KCNH1: variants seen among roughly 807,000 people sequenced by gnomAD.
KCNH1 encodes voltage-gated delayed rectifier potassium channel KCNH1.
KCNH1 carries 27 observed loss-of-function variants against 69.2 expected under a neutral mutation model. The ratio of observed to expected loss-of-function variants is 0.39; its 90% CI spans 0.29 to 0.54. The LOEUF is 0.54. Among genes scored for constraint, KCNH1 ranks in the 20% least tolerant of loss-of-function variants. The pLI is 0.68. For synonymous variants in KCNH1, 456 were observed against 487.7 expected, an observed-to-expected ratio of 0.93 and a Z score of 0.86; for missense variants, 798 against 1,261.6, an observed-to-expected ratio of 0.63 and a Z score of 5.57.
chr1:211,068,349 C>T (rs540266925), intron 5 of KCNH1, among the ~76,000 whole-genome samples: 1 of 152,350 alleles, frequency 6.6e-6, no homozygotes, highest in Admixed American at 6.5e-5. Flanking sequence ...GAAGCCATCA[C>T]TCTCTTCTAA....
intron 5 of KCNH1, among the ~76,000 whole-genome samples, chr1:211,074,115 A>C (rs1349776724): frequency 1.3e-5 from 2 of 150,944 alleles, no homozygotes; most frequent in African/African-American, 4.9e-5. Flanking sequence ...AAAAAAAAAA[A>C]AACCTTAATA....
At chr1:210,823,690 G>A (rs1349355827) in intron 7 of KCNH1, among the ~76,000 whole-genome samples, 13 of 152,122 alleles carry the variant, frequency 8.5e-5, no homozygotes, top group Admixed American at 7.2e-4. Flanking sequence ...TATATAGAAG[G>A]TGCTATTATT....
At position 210,681,175 on chromosome 1, in the gene KCNH1, G is replaced by T. The variant is rs1354062841; in HGVS notation, c.*2106C>A. On this transcript the variant is annotated 3_prime_UTR_variant, in exon 11 of 11. Coordinates refer to ENST00000271751, the MANE Select transcript of KCNH1 (RefSeq NM_172362.3). ...GGTTGAGGAGCATGTTTAAGAAATGGCAGACTAGAATGTTAGGGGGCAGCC... is the reference window on the plus strand; with the variant it reads ...GGTTGAGGAGCATGTTTAAGAAATGTCAGACTAGAATGTTAGGGGGCAGCC... 1 of 152,194 alleles carries T rather than the reference G, an allele frequency of 6.6e-6. No individual in the cohort carries two copies. The highest frequency in any genetic ancestry group is 1.5e-5 in the Non-Finnish European group (1 of 68,044). The allele number at this position is 152,194 out of a possible 1,614,324, so 9.4% of individuals were successfully genotyped here.
intron 7 of KCNH1, among the ~76,000 whole-genome samples, chr1:210,843,120 T>C (rs1685458137): frequency 6.6e-6 from 1 of 152,200 alleles, no homozygotes; most frequent in South Asian, 2.1e-4. Context: ...TTACAAGACC[T>C]GCAGAAGGTA....
intron 7 of KCNH1, among the ~76,000 whole-genome samples, chr1:210,865,459 G>A (rs73071511): frequency 5.5e-4 from 83 of 152,104 alleles, no homozygotes; most frequent in African/African-American, 1.8e-3. Context: ...AGTCTTTAGA[G>A]AACATTTTGG....
At chr1:211,035,059 G>A (rs6540647) in intron 5 of KCNH1, among the ~76,000 whole-genome samples, 90,411 of 151,670 alleles carry the variant, frequency 0.6, 27,738 homozygotes, top group African/African-American at 0.74. Context: ...TACCTCCCCA[G>A]AATGCCAGGT....
intron 5 of KCNH1, among the ~76,000 whole-genome samples, chr1:211,045,041 G>GATATATAGATATAGATATATATATATAT (rs1164564038): frequency 3.7e-5 from 3 of 81,718 alleles, no homozygotes; most frequent in Non-Finnish European, 5.2e-5. Flanking sequence ...AATTGTGGGG[G>GATATATAGATATAGATATATATATATAT]ATATATATAT....
At chr1:210,786,733 G>T (rs1347044002) in intron 9 of KCNH1, among the ~76,000 whole-genome samples, 2 of 152,100 alleles carry the variant, frequency 1.3e-5, no homozygotes, top group Admixed American at 6.5e-5. Flanking sequence ...AAATGGAACT[G>T]GTCCTCCTTC....
intron 9 of KCNH1, among the ~76,000 whole-genome samples, chr1:210,788,855 C>T (rs942609554): frequency 2.7e-5 from 4 of 150,044 alleles, no homozygotes; most frequent in Non-Finnish European, 4.4e-5. Flanking sequence ...CGCCACTACG[C>T]CCGGCTAATT....
chr1:210,865,154 G>A (rs1055086021), intron 7 of KCNH1, among the ~76,000 whole-genome samples: 16 of 152,216 alleles, frequency 1.1e-4, no homozygotes, highest in Admixed American at 7.2e-4. Context: ...TAATGTTAAA[G>A]CTATCTCTGG....
At position 211,082,864 on chromosome 1, in the gene KCNH1, C is replaced by T; in HGVS notation, c.474G>A (p.Leu158=). 1 of 1,614,134 alleles carries T rather than the reference C, an allele frequency of 6.2e-7. No homozygotes were observed. Among genetic ancestry groups the T allele is most frequent in the Non-Finnish European group, 8.5e-7 (1 of 1,179,990 alleles). Residue 158 remains leucine (L), a synonymous_variant, in exon 5 of 11, where the codon CTG becomes CTA. Coordinates refer to ENST00000271751, the MANE Select transcript of KCNH1 (RefSeq NM_172362.3). ...GCTGCAGGACACCCCTGCTGCTTGT[C>T]AGTGCTCTTGTCAGCCGAGCAAACT... ...WGKFARLTRA[L]TSSRGVLQQL... is the part of the protein sequence containing the mutation.
intron 6 of KCNH1, among the ~76,000 whole-genome samples, chr1:210,983,041 C>G (rs566710159): frequency 1.3e-5 from 2 of 151,858 alleles, no homozygotes; most frequent in Non-Finnish European, 2.9e-5. Context: ...CATTTTTTCC[C>G]GTGTTTTTTG....
At chr1:210,947,562 A>G (rs1687983652) in intron 6 of KCNH1, among the ~76,000 whole-genome samples, 1 of 150,878 alleles carries the variant, frequency 6.6e-6, no homozygotes, top group South Asian at 2.1e-4. Context: ...GCAACACAGC[A>G]AGACTCTGTC....
At chr1:211,014,844 TC>T (rs1689463751) in intron 6 of KCNH1, among the ~76,000 whole-genome samples, 1 of 152,126 alleles carries the variant, frequency 6.6e-6, no homozygotes, top group African/African-American at 2.4e-5. Flanking sequence ...GGAGCTGTAA[TC>T]TTAGATTCGT....
chr1:211,133,662 C>T lies in KCNH1; in HGVS notation c.79+205G>A, dbSNP rs943551448. 6.6e-6 allele frequency among the ~76,000 whole-genome samples: 1 copy of T among 152,140 alleles called. No individual in the cohort carries two copies. Among genetic ancestry groups the T allele is most frequent in the East Asian group, 1.9e-4 (1 of 5,154 alleles). On this transcript the variant is annotated intron_variant, in intron 1 of 10. Transcript: ENST00000271751. This position sits in a 1 kb window ranked among gnomAD's most constrained non-coding sequence, Gnocchi z 5.4. ...CAAAAGGCGTCCCCAGAAGAGCTCT[C>T]CTGTTAGGATGGGGACCCATCAGAC...
In KCNH1 at chr1:210,695,048, T is replaced by C. The variant is rs142370459; in HGVS notation, c.2113-10910A>G. On this transcript the variant is annotated intron_variant, in intron 10 of 10. Coordinates refer to ENST00000271751, the MANE Select transcript of KCNH1 (RefSeq NM_172362.3). ...TGTTTGCTTCTCCTTGGAGTCTGGA[T>C]GGTGGTTCAGAGGCTGTTCTAGAGC... 9.0e-3 allele frequency among the ~76,000 whole-genome samples: 1,365 copies of C among 152,344 alleles called. 20 individuals carry two copies. The highest frequency in any genetic ancestry group is 0.031 in the African/African-American group (1,298 of 41,566).
intron 8 of KCNH1, among the ~76,000 whole-genome samples, chr1:210,798,233 GT>G (rs1052529999): frequency 1.3e-5 from 2 of 151,956 alleles, no homozygotes; most frequent in African/African-American, 4.8e-5. Flanking sequence ...TAGAGAAGGG[GT>G]TTCATCATGT....
At chr1:211,053,510 T>C (rs759321919) in intron 5 of KCNH1, among the ~76,000 whole-genome samples, 1 of 151,872 alleles carries the variant, frequency 6.6e-6, no homozygotes, top group Non-Finnish European at 1.5e-5. Flanking sequence ...AAACAGAAAA[T>C]CTCTATTCCA....
intron 6 of KCNH1, among the ~76,000 whole-genome samples, chr1:210,999,382 A>C (rs1689123154): frequency 6.6e-6 from 1 of 152,200 alleles, no homozygotes; most frequent in African/African-American, 2.4e-5. Context: ...AATACTATAA[A>C]CACCTCTACA....
Sources: allele counts gnomAD v4.1 joint callset (sites outside exome capture counted in the v4.1 genomes callset), GRCh38; gene constraint gnomAD v4.1.1; non-coding constraint Gnocchi (gnomAD v3.1); transcripts MANE v1.5; gene names NCBI Gene and HGNC (gene_info 2026-07-23, HGNC 2026-07-21).